Variants in SERINC5 observed in about 807,000 individuals in gnomAD.
SERINC5 encodes the protein chromosome 5 open reading frame 12.
A neutral mutation model predicts 63.1 loss-of-function variants in SERINC5; 41 were observed. The ratio of observed to expected loss-of-function variants is 0.65; its 90% confidence interval spans 0.51 to 0.84. SERINC5 has a LOEUF of 0.84. Among genes scored for constraint, SERINC5 ranks in the 40% least tolerant of loss-of-function variants. SERINC5 has a pLI of 0.00. For synonymous variants in SERINC5, 222 were observed against 215.2 expected (o/e 1.03, Z -0.28); for missense variants, 523 against 573.0 (o/e 0.91, Z 0.89).
intron 1 of SERINC5, among the ~76,000 whole-genome samples, chr5:80,210,708 G>T (rs1750394735): frequency 6.6e-6 from 1 of 152,176 alleles, no homozygotes; most frequent in African/African-American, 2.4e-5. Context: ...CCAAAGGCCT[G>T]ACTACCAGGT....
chr5:80,117,057 C>T (rs1010340715), intron 11 of SERINC5, among the ~76,000 whole-genome samples: 3 of 151,988 alleles, frequency 2.0e-5, no homozygotes, highest in Admixed American at 6.6e-5. Flanking sequence ...TCTCAAACTC[C>T]CGATCTCAGG....
At chr5:80,177,476 G>T in intron 3 of SERINC5, 79 bp from the exon 4 acceptor site, 1 of 1,118,780 alleles carries the variant, frequency 8.9e-7, no homozygotes, top group Non-Finnish European at 1.3e-6. Context: ...AGAAGGTACA[G>T]CATGTCAATC....
chr5:80,226,241 T>C (rs904078363), intron 1 of SERINC5, among the ~76,000 whole-genome samples: 9 of 152,156 alleles, frequency 5.9e-5, no homozygotes, highest in African/African-American at 2.2e-4. Context: ...TATTTTTTAG[T>C]AGAGACGGGG....
At chr5:80,235,475 G>A (rs1362956833) in intron 1 of SERINC5, among the ~76,000 whole-genome samples, 1 of 152,178 alleles carries the variant, frequency 6.6e-6, no homozygotes, top group South Asian at 2.1e-4. Context: ...CAGACATTAT[G>A]ACAAAATAAA....
intron 1 of SERINC5, among the ~76,000 whole-genome samples, chr5:80,253,661 G>A (rs572723714): frequency 9.2e-5 from 14 of 152,238 alleles, no homozygotes; most frequent in Non-Finnish European, 1.6e-4. Context: ...TCACTGAGCA[G>A]TCTCAACTCC....
intron 2 of SERINC5, among the ~76,000 whole-genome samples, chr5:80,185,677 T>C (rs1748750763): frequency 6.6e-6 from 1 of 151,674 alleles, no homozygotes; most frequent in African/African-American, 2.4e-5. Flanking sequence ...TCAAAGGGGG[T>C]TCGTTCTCTG....
intron 5 of SERINC5, among the ~76,000 whole-genome samples, chr5:80,173,835 T>A (rs1327648114): frequency 1.3e-5 from 2 of 151,816 alleles, no homozygotes; most frequent in African/African-American, 2.4e-5. Context: ...CAGATTATAT[T>A]CCTCCCTTTT....
intron 11 of SERINC5, among the ~76,000 whole-genome samples, chr5:80,145,185 T>TAA (rs547534960): frequency 6.9e-6 from 1 of 145,412 alleles, no homozygotes; most frequent in Non-Finnish European, 1.5e-5. Context: ...CTAAAAATAA[T>TAA]AAAAAAAAAA....
intron 11 of SERINC5, among the ~76,000 whole-genome samples, chr5:80,117,893 A>G (rs1450753508): frequency 6.6e-6 from 1 of 151,842 alleles, no homozygotes; most frequent in East Asian, 1.9e-4. Flanking sequence ...TTTTCTCCTC[A>G]GTGTGTCTCT....
intron 11 of SERINC5, among the ~76,000 whole-genome samples, chr5:80,144,212 T>C (rs1347827412): frequency 6.6e-6 from 1 of 152,154 alleles, no homozygotes; most frequent in East Asian, 1.9e-4. Context: ...CTAAATAGTA[T>C]CTTATTGTAT....
chr5:80,149,411 C>G (rs570469873), intron 9 of SERINC5, among the ~76,000 whole-genome samples: 1 of 152,222 alleles, frequency 6.6e-6, no homozygotes, highest in South Asian at 2.1e-4. Context: ...CATAATGGCT[C>G]ACTATATCCA....
At chr5:80,214,402 T>A (rs1750570578) in intron 1 of SERINC5, among the ~76,000 whole-genome samples, 1 of 152,136 alleles carries the variant, frequency 6.6e-6, no homozygotes, top group Non-Finnish European at 1.5e-5. Context: ...AGGTTTCTAT[T>A]TTGGAAGAAA....
intron 1 of SERINC5, among the ~76,000 whole-genome samples, chr5:80,244,134 C>T (rs1261028866): frequency 6.6e-6 from 1 of 152,042 alleles, no homozygotes; most frequent in Admixed American, 6.6e-5. Context: ...TAATAACCTC[C>T]CCTCCCTGGC....
intron 11 of SERINC5, among the ~76,000 whole-genome samples, chr5:80,131,615 T>C (rs1049693240): frequency 9.9e-5 from 15 of 152,108 alleles, no homozygotes; most frequent in Non-Finnish European, 1.8e-4. Flanking sequence ...AGAGGGTAGT[T>C]GAGGCAGGGA....
chr5:80,233,805 C>CA (rs1554071351), intron 1 of SERINC5, among the ~76,000 whole-genome samples: 1 of 69,950 alleles, frequency 1.4e-5, no homozygotes, highest in Non-Finnish European at 2.5e-5. Context: ...TCAACTTTTA[C>CA]TTTTTTTTTT....
intron 11 of SERINC5, among the ~76,000 whole-genome samples, chr5:80,130,979 T>A (rs1054372695): frequency 5.3e-5 from 8 of 152,130 alleles, no homozygotes; most frequent in African/African-American, 1.9e-4. Flanking sequence ...AATAAAGCAG[T>A]AAAGTAGGGT....
intron 1 of SERINC5, among the ~76,000 whole-genome samples, chr5:80,216,789 T>A (rs1425261165): frequency 6.6e-6 from 1 of 152,078 alleles, no homozygotes; most frequent in Non-Finnish European, 1.5e-5. Flanking sequence ...GGTGGGTAGA[T>A]CGCTTGAGTC....
At chr5:80,129,953 G>A (rs950647006) in intron 11 of SERINC5, among the ~76,000 whole-genome samples, 2 of 152,114 alleles carry the variant, frequency 1.3e-5, no homozygotes, top group South Asian at 2.1e-4. Context: ...CCTCAATATC[G>A]TCTTCAGTGC....
At chr5:80,220,039 C>T (rs1402440506) in intron 1 of SERINC5, among the ~76,000 whole-genome samples, 1 of 152,016 alleles carries the variant, frequency 6.6e-6, no homozygotes, top group Admixed American at 6.6e-5. Flanking sequence ...CAAACCCCGC[C>T]TCTACTAAAA....
Sources: gnomAD v4.1 joint callset for allele counts (sites outside exome capture counted in the v4.1 genomes callset) on GRCh38, gnomAD v4.1.1 for gene constraint, MANE v1.5 for transcripts, NCBI Gene and HGNC (gene_info 2026-07-23, HGNC 2026-07-21) for gene names.